Variants in NOSIP observed in about 807,000 individuals in gnomAD.
NOSIP encodes nitric oxide synthase interacting protein.
A neutral mutation model predicts 36.4 loss-of-function variants in NOSIP; 25 were observed. The observed-to-expected ratio is 0.69, with a 90% confidence interval of 0.50 to 0.96. The LOEUF (loss-of-function observed/expected upper bound fraction) is 0.96, where lower values mean the gene tolerates loss of function less well. NOSIP is among the 40% of genes least tolerant of loss of function. The pLI is 0.00. For synonymous variants in NOSIP, 187 were observed against 179.2 expected (o/e 1.04, Z -0.35); for missense variants, 370 against 429.0 (o/e 0.86, Z 1.21).
intron 1 of NOSIP, among the ~76,000 whole-genome samples, chr19:49,564,111 TACA>T (rs943091609): frequency 8.0e-4 from 122 of 152,254 alleles, no homozygotes; most frequent in African/African-American, 2.9e-3. Context: ...AGTAATTTGT[TACA>T]ACAATGATAG....
At chr19:49,564,109 G>T (rs1431806437) in intron 1 of NOSIP, among the ~76,000 whole-genome samples, 1 of 152,124 alleles carries the variant, frequency 6.6e-6, no homozygotes, top group African/African-American at 2.4e-5. Flanking sequence ...GTAGTAATTT[G>T]TTACAACAAT....
chr19:49,556,700 G>C lies in NOSIP; in HGVS notation c.574C>G (p.Leu192Val). Residue 192 changes from leucine (L) to valine (V), a missense_variant, in exon 7 of 9, where the codon CTG becomes GTG. Physicochemically the swap from Leu to Val is conservative, Grantham distance 32 (BLOSUM62 1). Around this residue, in one of 3 missense-constraint regions of NOSIP, gnomAD observed 315 missense variants for 331.9 expected, o/e 0.95. Coordinates refer to ENST00000596358, the MANE Select transcript of NOSIP (RefSeq NM_001270960.2). Reference sequence around the variant, plus strand: ...ACGGGCGTCAGGTCCGACATGCGCAGGGGCTTCCCTGACATGGGGCAGGTC... The same window carrying C: ...ACGGGCGTCAGGTCCGACATGCGCACGGGCTTCCCTGACATGGGGCAGGTC... ...TVTCPMSGKP[L>V]RMSDLTPVHF... is the part of the protein sequence containing the mutation. The C allele has an allele frequency of 6.2e-7, 1 of 1,609,886 alleles. No individual in the cohort carries two copies. Among genetic ancestry groups the C allele is most frequent in the South Asian group, 1.1e-5 (1 of 90,760 alleles).
chr19:49,556,877 G>T lies in NOSIP; in HGVS notation c.535C>A (p.Pro179Thr), dbSNP rs1423911495. Residue 179 changes from proline to threonine, a missense_variant and splice_region_variant, in exon 6 of 9, where the codon CCG (proline) becomes ACG (threonine). Coordinates refer to ENST00000596358, the MANE Select transcript of NOSIP (RefSeq NM_001270960.2). ...GCCGGGGCGCTGTGGGGGCTCACCG[G>T]CTTCTCCAGCTTGGTGGCCTTGGCT... ...PEAKATKLEKPSRTVTCPMSG... is the reference protein window; with the variant it reads ...PEAKATKLEKTSRTVTCPMSG... The T allele has an allele frequency of 1.2e-6, 2 of 1,612,274 alleles. No homozygotes were observed. Among genetic ancestry groups the T allele is most frequent in the Non-Finnish European group, 1.7e-6 (2 of 1,178,882 alleles).
intron 1 of NOSIP, among the ~76,000 whole-genome samples, chr19:49,576,511 A>C (rs1305935559): frequency 6.6e-6 from 1 of 151,868 alleles, no homozygotes; most frequent in Non-Finnish European, 1.5e-5. Flanking sequence ...CAGGAGGTTG[A>C]GGCTGCAGTG....
Position 49,560,278 on chromosome 19 carries a change from AG to A in NOSIP, c.71-240del. On this transcript the variant is annotated intron_variant, in intron 2 of 8. Coordinates refer to ENST00000596358, the MANE Select transcript of NOSIP (RefSeq NM_001270960.2). The surrounding 1 kb of genome is among the most constrained non-coding windows in gnomAD (Gnocchi z 4.6). Reference sequence around the variant, plus strand: ...TGGTCACTGAGTGGCAGCTTGGTGGAGGGGCTGACGGCTGACTCCCCTCCAC... The same window carrying A: ...TGGTCACTGAGTGGCAGCTTGGTGGAGGGCTGACGGCTGACTCCCCTCCAC... 1.7e-6 allele frequency: 1 copy of A among 577,220 alleles called. No individual in the cohort carries two copies. Among genetic ancestry groups the A allele is most frequent in the Non-Finnish European group, 3.1e-6 (1 of 323,164 alleles). The allele number at this position is 577,220 out of a possible 1,614,324, so 35.8% of individuals were successfully genotyped here.
chr19:49,557,059 C>A, intron 5 of NOSIP, 31 bp downstream of exon 5: 1 of 1,599,710 alleles, frequency 6.3e-7, no homozygotes. Context: ...CGCCCCGCCC[C>A]CCAACCCACA....
rs2080225554 is a variant in NOSIP, at chr19:49,555,645, A to G, written c.*106T>C. The G allele has an allele frequency of 3.0e-5, 26 of 871,720 alleles. 1 individual carries two copies. The highest frequency in any genetic ancestry group is 4.1e-5 in the Non-Finnish European group (22 of 531,882). 54.0% of individuals were successfully genotyped at this position (871,720 alleles called of 1,614,324 possible). A position where few individuals can be genotyped will look rare whatever the true frequency, so the allele number is the denominator to read the frequency against. On this transcript the variant is annotated 3_prime_UTR_variant, in exon 9 of 9. Transcript: ENST00000596358. ...CGTGCGCTGTAGGAGCACTGTTTGC[A>G]CGGCCCTGCATCCTCGCCTGCCCTG... is the stretch of plus-strand genomic sequence containing the variant.
chr19:49,557,172 C>T lies in NOSIP; in HGVS notation c.336G>A (p.Arg112=), dbSNP rs748092110. ...TAGCCGACTCCTTCTCCAGGAAGCC[C>T]CGCACATGGTCCTGCGAGGCCGCCC... ...LQRAASQDHV[R]GFLEKESAIV... Residue 112 remains arginine (R), a synonymous_variant, in exon 5 of 9, where the codon CGG becomes CGA. Transcript: ENST00000596358. 1.9e-6 allele frequency: 3 copies of T among 1,611,282 alleles called. No individual in the cohort carries two copies. The highest frequency in any genetic ancestry group is 2.5e-6 in the Non-Finnish European group (3 of 1,179,052).
At chr19:49,556,134 C>CGGGGGG (rs199673125) in intron 8 of NOSIP, among the ~76,000 whole-genome samples, 183 bp downstream of exon 8, 3 of 53,568 alleles carry the variant, frequency 5.6e-5, no homozygotes, top group Non-Finnish European at 9.0e-5. Context: ...CCTAGGAGAG[C>CGGGGGG]GGAGGGGGGG....
chr19:49,558,956 G>A lies in NOSIP; in HGVS notation c.199C>T (p.Arg67Cys), dbSNP rs764184868. The A allele has an allele frequency of 2.4e-5, 38 of 1,613,644 alleles. No individual in the cohort carries two copies. The highest frequency in any genetic ancestry group is 1.6e-4 in the East Asian group (7 of 44,852). Residue 67 changes from arginine (R) to cysteine (C), a missense_variant, in exon 4 of 9, where the codon CGT becomes TGT. Coordinates refer to ENST00000596358, the MANE Select transcript of NOSIP (RefSeq NM_001270960.2). ...VVTPDGYLYE[R>C]EAILEYILHQ... Reference sequence around the variant, plus strand: ...AGAATGTACTCCAGGATGGCCTCACGCTCATACAGGTAGCCATCTGGGCTG... The same window carrying A: ...AGAATGTACTCCAGGATGGCCTCACACTCATACAGGTAGCCATCTGGGCTG...
chr19:49,567,838 AT>A (rs1230015355), intron 1 of NOSIP, among the ~76,000 whole-genome samples: 3 of 151,172 alleles, frequency 2.0e-5, no homozygotes, highest in Non-Finnish European at 4.4e-5. Context: ...GGCCCGGCTA[AT>A]TTTTTTGCAT....
chr19:49,556,094 G>GGGGCCTTAAAAATAGGGCA (rs200191784), intron 8 of NOSIP, among the ~76,000 whole-genome samples: 31 of 116,804 alleles, frequency 2.7e-4, no homozygotes, highest in African/African-American at 1.4e-3. Context: ...GGGAAGGGGC[G>GGGGCCTTAAAAATAGGGCA]GGGCCTTGAA....
chr19:49,578,479 T>TA (rs941311722), intron 1 of NOSIP, among the ~76,000 whole-genome samples: 1 of 151,736 alleles, frequency 6.6e-6, no homozygotes, highest in Non-Finnish European at 1.5e-5. Context: ...CTGTAGAACA[T>TA]AATTAGCTGA....
At chr19:49,555,908 G>T in intron 8 of NOSIP, 86 bp from the exon 9 acceptor site, 2 of 984,404 alleles carry the variant, frequency 2.0e-6, no homozygotes, top group Non-Finnish European at 3.2e-6. Context: ...ATTCCTAAGC[G>T]GGTCAAGGTG....
Position 49,556,362 on chromosome 19 carries a change from C to A in NOSIP, c.789G>T (p.Val263=). The stretch of plus-strand genomic sequence containing the variant: ...CGCGGTCTGTGAGTTTGTCTCCAGT[C>A]ACAGGGTCCACCATGTCCTTCCGAA... The part of the protein sequence containing the change: ...KLIRKDMVDP[V]TGDKLTDRDI... The change falls in exon 8 of 9, where the codon GTG becomes GTT. Residue 263 remains valine, a synonymous_variant. Coordinates refer to ENST00000596358, the MANE Select transcript of NOSIP (RefSeq NM_001270960.2). 6.2e-7 allele frequency: 1 copy of A among 1,613,768 alleles called. No homozygotes were observed. Among genetic ancestry groups the A allele is most frequent in the Non-Finnish European group, 8.5e-7 (1 of 1,179,890 alleles).
chr19:49,563,435 G>T (rs2080361698), intron 1 of NOSIP, among the ~76,000 whole-genome samples: 1 of 151,468 alleles, frequency 6.6e-6, no homozygotes, highest in South Asian at 2.1e-4. Flanking sequence ...CTCCCAAAGT[G>T]TTGGGATTAC....
At chr19:49,566,164 C>T (rs905088383) in intron 1 of NOSIP, among the ~76,000 whole-genome samples, 49 of 152,114 alleles carry the variant, frequency 3.2e-4, no homozygotes, top group African/African-American at 9.6e-4. Flanking sequence ...GCACTACAGG[C>T]GCTCGCCACC....
rs766173976 is a variant in NOSIP at position 49,556,544 on chromosome 19, C to G, written c.725+5G>C. ...GTCCCTTCCCTCCCCTCCCAGGTGA[C>G]TCACGAGGGCCGCAGCACAGCGCAG... On this transcript the variant is annotated splice_donor_5th_base_variant and intron_variant, in intron 7 of 8. Transcript: ENST00000596358. 7.5e-6 allele frequency: 12 copies of G among 1,603,726 alleles called. No homozygotes were observed. Among genetic ancestry groups the G allele is most frequent in the Non-Finnish European group, 1.0e-5 (12 of 1,177,046 alleles).
chr19:49,559,036 C>T lies in NOSIP; in HGVS notation c.177-58G>A, dbSNP rs59279440. On this transcript the variant is annotated intron_variant, in intron 3 of 8. Transcript: ENST00000596358. ...AAGTGATCCTCCCGCCTCGGCCTCC[C>T]GAAGTGCTGGGATTATAGGCAGAAG... The T allele has an allele frequency of 0.031, 43,190 of 1,409,692 alleles. 5,086 individuals carry two copies. The African/African-American group carries it at 0.31, about 10-fold the overall frequency. The allele number at this position is 1,409,692 out of a possible 1,614,324, so 87.3% of individuals were successfully genotyped here.
Sources: gnomAD v4.1 joint callset for allele counts (sites outside exome capture counted in the v4.1 genomes callset) on GRCh38, gnomAD v4.1.1 for gene constraint, gnomAD v4.1.1 regional missense constraint, Gnocchi (gnomAD v3.1) non-coding constraint, MANE v1.5 for transcripts, NCBI Gene and HGNC (gene_info 2026-07-23, HGNC 2026-07-21) for gene names.